CTNNA3: variants seen among roughly 807,000 people sequenced by gnomAD.
CTNNA3 encodes catenin alpha-3.
A neutral mutation model predicts 95.7 loss-of-function variants in CTNNA3; 76 were observed. The ratio of observed to expected loss-of-function variants is 0.79; its 90% CI spans 0.66 to 0.96. CTNNA3 has a LOEUF of 0.96. Ranked by LOEUF, CTNNA3 falls within the 40% of genes least tolerant of loss-of-function variation. CTNNA3 has a pLI of 0.00. For synonymous variants in CTNNA3, 431 were observed against 374.4 expected, an observed-to-expected ratio of 1.15 and a Z score of -1.74; for missense variants, 1,191 against 1,089.8, an observed-to-expected ratio of 1.09 and a Z score of -1.31.
At chr10:65,965,655 A>G (rs1446431683) in intron 17 of CTNNA3, among the ~76,000 whole-genome samples, 1 of 151,824 alleles carries the variant, frequency 6.6e-6, no homozygotes, top group Non-Finnish European at 1.5e-5. Context: ...TCTGGACACC[A>G]AAGCGCTGGG....
chr10:67,046,358 G>T (rs1281162663), intron 7 of CTNNA3, among the ~76,000 whole-genome samples: 1 of 152,148 alleles, frequency 6.6e-6, no homozygotes, highest in Non-Finnish European at 1.5e-5. Context: ...GCACAGATGT[G>T]AGCGAACAGC....
intron 5 of CTNNA3, among the ~76,000 whole-genome samples, chr10:67,468,906 C>G (rs996911265): frequency 6.6e-6 from 1 of 152,076 alleles, no homozygotes; most frequent in Non-Finnish European, 1.5e-5. Context: ...GACAGCTTAC[C>G]TAAAACAATC....
intron 9 of CTNNA3, among the ~76,000 whole-genome samples, chr10:66,661,210 A>C (rs1846252599): frequency 6.6e-6 from 1 of 152,244 alleles, no homozygotes; most frequent in South Asian, 2.1e-4. Context: ...TGCTGATAAA[A>C]ACATGTCTGA....
intron 7 of CTNNA3, chr10:67,097,553 TATAACTGA>T (rs1330074992): frequency 6.3e-7 from 1 of 1,586,588 alleles, no homozygotes; most frequent in African/African-American, 1.3e-5. Context: ...TCCATATTTT[TATAACTGA>T]CTTTTCTCAT....
At position 67,745,427 on chromosome 10, in the gene CTNNA3, C is replaced by T. The variant is rs377360877; in HGVS notation, c.-2+18007G>A. ...GGCAAGGACAAAAAACCAAACACCA[C>T]ATGTTCTCACTCATAGTTGGGAATT... On this transcript the variant is annotated intron_variant, in intron 1 of 17. Coordinates refer to the CTNNA3 transcript ENST00000684154. Among the ~76,000 whole-genome samples the T allele has an allele frequency of 3.5e-4, 51 of 145,752 alleles. No homozygotes were observed. The East Asian group carries it at 8.0e-3, about 23-fold the overall frequency.
At chr10:66,858,344 G>A (rs1464003447) in intron 7 of CTNNA3, among the ~76,000 whole-genome samples, 2 of 151,988 alleles carry the variant, frequency 1.3e-5, no homozygotes, top group African/African-American at 4.8e-5. Context: ...GTTCATCAAG[G>A]ATATTGGCTT....
At chr10:66,876,486 G>C (rs1201010761) in intron 7 of CTNNA3, among the ~76,000 whole-genome samples, 2 of 152,044 alleles carry the variant, frequency 1.3e-5, no homozygotes, top group Non-Finnish European at 2.9e-5. Context: ...ATCCTTATTT[G>C]ACCTAATTCT....
chr10:66,465,535 T>C (rs956151330), intron 11 of CTNNA3, among the ~76,000 whole-genome samples: 1 of 152,182 alleles, frequency 6.6e-6, no homozygotes, highest in Non-Finnish European at 1.5e-5. Context: ...TCAATCTTAC[T>C]GTACATGAGG....
intron 7 of CTNNA3, chr10:66,926,152 C>T: frequency 2.2e-6 from 1 of 460,974 alleles, no homozygotes; most frequent in Non-Finnish European, 4.3e-6. Flanking sequence ...ACTGGGTGCT[C>T]ATCACGGGAA....
At chr10:66,598,591 G>C (rs568714440) in intron 10 of CTNNA3, among the ~76,000 whole-genome samples, 2 of 151,932 alleles carry the variant, frequency 1.3e-5, no homozygotes, top group African/African-American at 4.8e-5. Flanking sequence ...TGAAGAATCA[G>C]TTGAGTATCT....
Position 67,607,028 on chromosome 10 carries a change from G to A in CTNNA3, c.121C>T (p.Pro41Ser). Reference protein sequence around the residue: ...IIQVTTLVNCPQNPSSRKKGR... With the variant: ...IIQVTTLVNCSQNPSSRKKGR... ...TTTTTCCTGCTGGAAGGGTTCTGGG[G>A]ACAGTTTACAAGTGTGGTAACCTAA... Residue 41 changes from proline to serine, a missense_variant, in exon 3 of 18, where the codon CCC (proline) becomes TCC (serine). Coordinates refer to ENST00000433211, the MANE Select transcript of CTNNA3 (RefSeq NM_013266.4). 6.2e-7 allele frequency: 1 copy of A among 1,613,472 alleles called. No homozygotes were observed. The highest frequency in any genetic ancestry group is 1.7e-5 in the Admixed American group (1 of 59,942).
chr10:67,751,300 A>G, intron 1 of CTNNA3: 1 of 934,814 alleles, frequency 1.1e-6, no homozygotes, highest in East Asian at 2.7e-5. Flanking sequence ...ATCTCCACTC[A>G]AGTCCTATTT....
At chr10:67,696,941 G>T (rs980555272), upstream of CTNNA3, among the ~76,000 whole-genome samples, 4 of 152,104 alleles carry the variant, frequency 2.6e-5, no homozygotes, top group Non-Finnish European at 4.4e-5. Flanking sequence ...AAAACAAGAG[G>T]TGCTAACTAA....
chr10:66,349,319 C>T (rs990704683), intron 12 of CTNNA3, among the ~76,000 whole-genome samples: 1 of 152,058 alleles, frequency 6.6e-6, no homozygotes, highest in Non-Finnish European at 1.5e-5. Flanking sequence ...AATGAATCCA[C>T]AGCCCTGTCT....
chr10:66,052,383 A>G (rs907463408), intron 15 of CTNNA3, among the ~76,000 whole-genome samples: 1 of 152,240 alleles, frequency 6.6e-6, no homozygotes, highest in South Asian at 2.1e-4. Flanking sequence ...TGAGGTGAGT[A>G]CTTACTTGAA....
intron 5 of CTNNA3, among the ~76,000 whole-genome samples, chr10:67,346,086 T>C (rs920546670): frequency 2.6e-5 from 4 of 152,196 alleles, no homozygotes; most frequent in Non-Finnish European, 4.4e-5. Flanking sequence ...AAGTTGTTTG[T>C]AGAAAGAAAG....
intron 13 of CTNNA3, among the ~76,000 whole-genome samples, chr10:66,227,662 G>A (rs1346181791): frequency 1.3e-5 from 2 of 151,988 alleles, no homozygotes; most frequent in African/African-American, 2.4e-5. Context: ...GTCTGGTTTT[G>A]GTATCAGGGT....
chr10:67,672,902 C>T (rs1168941284), intron 1 of CTNNA3, among the ~76,000 whole-genome samples: 1 of 152,106 alleles, frequency 6.6e-6, no homozygotes, highest in Non-Finnish European at 1.5e-5. Context: ...TGAAGAAAGT[C>T]ATTGGTAGCT....
rs560263802 is a variant in CTNNA3 at position 67,119,395 on chromosome 10, G to A, written c.1047+60922C>T. 7.8e-4 allele frequency among the ~76,000 whole-genome samples: 119 copies of A among 151,604 alleles called. 1 individual carries two copies. The highest frequency in any genetic ancestry group is 2.5e-3 in the African/African-American group (105 of 41,426). On this transcript the variant is annotated intron_variant, in intron 7 of 17. Coordinates refer to ENST00000433211, the MANE Select transcript of CTNNA3 (RefSeq NM_013266.4). Reference sequence around the variant, plus strand: ...CTACATCACTGGACATACTACTACCGGAGATAAAAAAAACATACACACAAA... The same window carrying A: ...CTACATCACTGGACATACTACTACCAGAGATAAAAAAAACATACACACAAA...
Sources: gnomAD v4.1 joint callset for allele counts (sites outside exome capture counted in the v4.1 genomes callset) on GRCh38, gnomAD v4.1.1 for gene constraint, MANE v1.5 for transcripts, NCBI Gene and HGNC (gene_info 2026-07-23, HGNC 2026-07-21) for gene names.